Variants in FAM171A1 observed in about 807,000 individuals in gnomAD.
FAM171A1 encodes the protein protein FAM171A1.
Under a neutral mutation model 74.9 loss-of-function variants are expected in FAM171A1, and 23 were observed. The ratio of observed to expected loss-of-function variants is 0.31; its 90% CI spans 0.22 to 0.44. The LOEUF (loss-of-function observed/expected upper bound fraction) is 0.44, where lower values mean the gene tolerates loss of function less well. Ranked by LOEUF, FAM171A1 falls within the 20% of genes least tolerant of loss-of-function variation. FAM171A1 has a pLI of 1.00. For synonymous variants in FAM171A1, 527 were observed against 505.7 expected, an observed-to-expected ratio of 1.04 and a Z score of -0.57; for missense variants, 1,162 against 1,159.2, an observed-to-expected ratio of 1.00 and a Z score of -0.03.
At chr10:15,265,579 A>G (rs75411993) in intron 3 of FAM171A1, among the ~76,000 whole-genome samples, 4 of 2,434 alleles carry the variant, frequency 1.6e-3, no homozygotes, top group East Asian at 0.028. Context: ...GGTGCCTCTG[A>G]AAAAAAAAAA....
intron 3 of FAM171A1, among the ~76,000 whole-genome samples, chr10:15,274,088 T>A (rs930641266): frequency 6.6e-6 from 1 of 152,112 alleles, no homozygotes; most frequent in African/African-American, 2.4e-5. Context: ...AAAAAGGAAG[T>A]CAAATTGTCC....
chr10:15,270,086 T>TCACCTAGGAAGCGCAACGGG (rs1278599923), intron 3 of FAM171A1, among the ~76,000 whole-genome samples: 1 of 152,168 alleles, frequency 6.6e-6, no homozygotes, highest in African/African-American at 2.4e-5. Flanking sequence ...GAGCATCGCC[T>TCACCTAGGAAGCGCAACGGG]CACCTAGGAA....
chr10:15,236,789 T>C (rs929147271), intron 5 of FAM171A1, among the ~76,000 whole-genome samples: 5 of 152,234 alleles, frequency 3.3e-5, no homozygotes, highest in African/African-American at 1.2e-4. Flanking sequence ...TGTTAGATGC[T>C]GTCCTTAAAA....
intron 1 of FAM171A1, among the ~76,000 whole-genome samples, chr10:15,296,051 T>C (rs1835157380): frequency 6.6e-6 from 1 of 152,220 alleles, no homozygotes; most frequent in Admixed American, 6.5e-5. Flanking sequence ...GTGCATTGAA[T>C]TTCCATGTCT....
chr10:15,260,922 T>A (rs970169766), intron 3 of FAM171A1, among the ~76,000 whole-genome samples: 3 of 152,174 alleles, frequency 2.0e-5, no homozygotes, highest in African/African-American at 4.8e-5. Flanking sequence ...CTGCACTATA[T>A]ACCCTGAGCA....
intron 1 of FAM171A1, 116 bp from the exon 2 acceptor site, chr10:15,284,221 C>T: frequency 2.3e-6 from 2 of 877,564 alleles, no homozygotes; most frequent in South Asian, 3.4e-5. Context: ...TCAAGGTTGA[C>T]ACTCAAAATA....
At chr10:15,364,522 C>T (rs1657777937) in intron 1 of FAM171A1, among the ~76,000 whole-genome samples, 1 of 152,106 alleles carries the variant, frequency 6.6e-6, no homozygotes, top group Admixed American at 6.6e-5. Context: ...CCTGTGTGGG[C>T]GAATCTCTAT....
chr10:15,260,214 C>A (rs1428373808), intron 3 of FAM171A1, among the ~76,000 whole-genome samples: 1 of 152,158 alleles, frequency 6.6e-6, no homozygotes, highest in Non-Finnish European at 1.5e-5. Flanking sequence ...TCAAAAGCCA[C>A]CTCTTCTATG....
At chr10:15,349,934 C>G (rs1588566389) in intron 1 of FAM171A1, among the ~76,000 whole-genome samples, 1 of 152,146 alleles carries the variant, frequency 6.6e-6, no homozygotes, top group East Asian at 1.9e-4. Context: ...GAGGAAAATT[C>G]ATGCTGGAAA....
At chr10:15,355,991 T>C (rs1396050986) in intron 1 of FAM171A1, among the ~76,000 whole-genome samples, 4 of 151,838 alleles carry the variant, frequency 2.6e-5, no homozygotes, top group African/African-American at 9.7e-5. Flanking sequence ...CATAATCAGA[T>C]AGGATATTCA....
At chr10:15,297,250 G>T (rs1486144683) in intron 1 of FAM171A1, among the ~76,000 whole-genome samples, 1 of 151,958 alleles carries the variant, frequency 6.6e-6, no homozygotes. Flanking sequence ...GTAGAGACGG[G>T]ATTTTGCCAT....
chr10:15,307,646 C>CAAAAAAA (rs560861841), intron 1 of FAM171A1, among the ~76,000 whole-genome samples: 3 of 93,196 alleles, frequency 3.2e-5, no homozygotes, highest in Non-Finnish European at 4.1e-5. Flanking sequence ...AACTCCATTT[C>CAAAAAAA]AAAAAAAAAA....
intron 1 of FAM171A1, among the ~76,000 whole-genome samples, chr10:15,344,635 T>TA (rs749342100): frequency 3.3e-5 from 5 of 152,206 alleles, no homozygotes; most frequent in Non-Finnish European, 5.9e-5. Context: ...ATTTGGAATA[T>TA]CTTTATATTA....
At chr10:15,300,607 CA>C (rs1161182074) in intron 1 of FAM171A1, among the ~76,000 whole-genome samples, 8 of 128,880 alleles carry the variant, frequency 6.2e-5, no homozygotes, top group South Asian at 2.5e-4. Flanking sequence ...TCCCACCCCC[CA>C]AAAAAAATAA....
At chr10:15,257,468 C>A (rs1350022144) in intron 3 of FAM171A1, among the ~76,000 whole-genome samples, 1 of 152,156 alleles carries the variant, frequency 6.6e-6, no homozygotes, top group Non-Finnish European at 1.5e-5. Context: ...TGATCCTCTG[C>A]TTCTCGTGCC....
At chr10:15,362,198 T>C (rs1588572324) in intron 1 of FAM171A1, among the ~76,000 whole-genome samples, 1 of 152,356 alleles carries the variant, frequency 6.6e-6, no homozygotes, top group East Asian at 1.9e-4. Context: ...AATTCTTCCA[T>C]CGTTATTATT....
chr10:15,341,315 G>T (rs1218871615), intron 1 of FAM171A1, among the ~76,000 whole-genome samples: 1 of 152,196 alleles, frequency 6.6e-6, no homozygotes, highest in South Asian at 2.1e-4. Context: ...ATACTAATTT[G>T]TACAACAAAT....
At chr10:15,322,798 T>A (rs1360689079) in intron 1 of FAM171A1, among the ~76,000 whole-genome samples, 1 of 152,234 alleles carries the variant, frequency 6.6e-6, no homozygotes, top group Non-Finnish European at 1.5e-5. Flanking sequence ...CATCAGAGAC[T>A]GATCGATGCA....
Position 15,329,326 on chromosome 10 carries a change from C to G in FAM171A1, c.97+41630G>C, listed in dbSNP as rs1289802859. 3.3e-5 allele frequency among the ~76,000 whole-genome samples: 5 copies of G among 152,318 alleles called. No individual in the cohort carries two copies. The East Asian group carries it at 9.6e-4, about 29-fold the overall frequency. On this transcript the variant is annotated intron_variant, in intron 1 of 7. Coordinates refer to ENST00000378116, the MANE Select transcript of FAM171A1 (RefSeq NM_001010924.2). ...CACCAATTTCCACTTGTGGTTCTAT[C>G]GGCTCCAGAGGTGAAATTCAATTCA...
Sources: gnomAD v4.1 joint callset for allele counts (sites outside exome capture counted in the v4.1 genomes callset) on GRCh38, gnomAD v4.1.1 for gene constraint, MANE v1.5 for transcripts, NCBI Gene and HGNC (gene_info 2026-07-23, HGNC 2026-07-21) for gene names.